The following CSMD1 variants were observed in gnomAD, a reference collection of about 807,000 sequenced individuals.
CSMD1 encodes CUB and sushi domain-containing protein 1.
In CSMD1, 213 loss-of-function variants were observed where a neutral mutation model predicts 417.5. The observed-to-expected ratio is 0.51, with a 90% CI of 0.46 to 0.57. The LOEUF (loss-of-function observed/expected upper bound fraction) is 0.57, where lower values mean the gene tolerates loss of function less well. Among genes scored for constraint, CSMD1 ranks in the 20% least tolerant of loss-of-function variants. The pLI is 0.00. For missense variants in CSMD1, 6,923 were observed against 4,529.7 expected (o/e 1.53, Z -15.17); for synonymous variants, 2,862 against 1,736.8 (o/e 1.65, Z -16.11).
chr8:4,080,110 C>G (rs751303504), intron 3 of CSMD1, among the ~76,000 whole-genome samples: 1 of 151,642 alleles, frequency 6.6e-6, no homozygotes, highest in Non-Finnish European at 1.5e-5. Flanking sequence ...CTCACTCGTT[C>G]CATGTATACA....
intron 2 of CSMD1, among the ~76,000 whole-genome samples, chr8:4,451,106 A>C (rs1799117216): frequency 6.6e-6 from 1 of 152,126 alleles, no homozygotes; most frequent in African/African-American, 2.4e-5. Context: ...CAGGAGGATT[A>C]CTCCTGAGTT....
intron 54 of CSMD1, among the ~76,000 whole-genome samples, chr8:2,982,660 G>A (rs1046070038): frequency 6.6e-6 from 1 of 152,170 alleles, no homozygotes; most frequent in African/African-American, 2.4e-5. Context: ...CCACCTCCAG[G>A]AGCTGCCCTG....
chr8:4,159,897 C>T (rs1379612859), intron 3 of CSMD1, among the ~76,000 whole-genome samples: 1 of 151,374 alleles, frequency 6.6e-6, no homozygotes, highest in East Asian at 2.0e-4. Flanking sequence ...TATGAGGATG[C>T]AAAGGCTTAA....
intron 7 of CSMD1, among the ~76,000 whole-genome samples, chr8:3,700,898 T>C (rs1800823697): frequency 6.6e-6 from 1 of 152,102 alleles, no homozygotes; most frequent in African/African-American, 2.4e-5. Flanking sequence ...GTGGTTCTAC[T>C]GATATTTCAC....
chr8:3,657,221 T>C (rs1321433811), intron 7 of CSMD1, among the ~76,000 whole-genome samples: 1 of 152,166 alleles, frequency 6.6e-6, no homozygotes, highest in Non-Finnish European at 1.5e-5. Flanking sequence ...CATTATGCCT[T>C]GGGGTATAAT....
intron 2 of CSMD1, among the ~76,000 whole-genome samples, chr8:4,451,752 A>T (rs1480151556): frequency 2.0e-5 from 3 of 152,054 alleles, no homozygotes; most frequent in Non-Finnish European, 4.4e-5. Context: ...GCATCGAATG[A>T]TACAGATAGA....
chr8:3,989,166 T>C (rs1045591705), intron 5 of CSMD1, among the ~76,000 whole-genome samples: 1 of 152,354 alleles, frequency 6.6e-6, no homozygotes, highest in Admixed American at 6.5e-5. Context: ...TCCAAGCGTC[T>C]GCTCATTTGC....
intron 7 of CSMD1, among the ~76,000 whole-genome samples, chr8:3,684,029 G>C (rs376056828): frequency 1.3e-5 from 2 of 150,440 alleles, no homozygotes; most frequent in South Asian, 2.1e-4. Flanking sequence ...TAACACCAAA[G>C]AGACAGTCTT....
chr8:4,429,430 A>G (rs1797745675), intron 2 of CSMD1, among the ~76,000 whole-genome samples: 1 of 152,090 alleles, frequency 6.6e-6, no homozygotes, highest in South Asian at 2.1e-4. Context: ...CTTTCACACA[A>G]TGTTTTGTGA....
intron 7 of CSMD1, among the ~76,000 whole-genome samples, chr8:3,669,574 G>A (rs1241902912): frequency 6.6e-6 from 1 of 152,190 alleles, no homozygotes; most frequent in Non-Finnish European, 1.5e-5. Context: ...AATGTAGCCT[G>A]AATGAGACTC....
At chr8:3,234,758 A>G (rs1421212939) in intron 26 of CSMD1, among the ~76,000 whole-genome samples, 10 of 152,210 alleles carry the variant, frequency 6.6e-5, no homozygotes, top group African/African-American at 2.4e-4. Context: ...TCTAACGTAG[A>G]ACACTAATCA....
chr8:4,893,908 C>T (rs1034388876), intron 1 of CSMD1, among the ~76,000 whole-genome samples: 1 of 152,068 alleles, frequency 6.6e-6, no homozygotes, highest in East Asian at 1.9e-4. Context: ...GGGGGCGGGG[C>T]AATGTCTTTT....
chr8:3,342,217 C>T (rs1028254160), intron 23 of CSMD1, among the ~76,000 whole-genome samples: 1 of 152,120 alleles, frequency 6.6e-6, no homozygotes, highest in African/African-American at 2.4e-5. Flanking sequence ...AATTCTTCAC[C>T]TGTGATTTTT....
intron 3 of CSMD1, among the ~76,000 whole-genome samples, chr8:4,063,783 G>T (rs1000754212): frequency 5.9e-5 from 9 of 152,096 alleles, no homozygotes; most frequent in African/African-American, 2.2e-4. Flanking sequence ...TCTTCATTCA[G>T]TTCCACTTAA....
intron 1 of CSMD1, among the ~76,000 whole-genome samples, chr8:4,915,716 T>C (rs1340595089): frequency 1.3e-5 from 2 of 152,166 alleles, no homozygotes; most frequent in East Asian, 3.9e-4. Flanking sequence ...CCCTAAACAT[T>C]ATGTCCGGGT....
chr8:4,556,869 A>T (rs1018091925), intron 2 of CSMD1, among the ~76,000 whole-genome samples: 1 of 152,204 alleles, frequency 6.6e-6, no homozygotes, highest in Non-Finnish European at 1.5e-5. Flanking sequence ...CGTATAATGC[A>T]ATGATTCCAA....
intron 3 of CSMD1, among the ~76,000 whole-genome samples, chr8:4,353,982 T>A (rs1801251506): frequency 6.6e-6 from 1 of 152,212 alleles, no homozygotes; most frequent in African/African-American, 2.4e-5. Context: ...TGTTTCACTT[T>A]TTCCTAACAC....
intron 8 of CSMD1, among the ~76,000 whole-genome samples, chr8:3,590,258 T>A (rs950779748): frequency 6.6e-6 from 1 of 152,106 alleles, no homozygotes; most frequent in Non-Finnish European, 1.5e-5. Context: ...ACAATACAAA[T>A]TTTTGTTTAT....
chr8:3,010,360 C>A (rs1202602674), intron 52 of CSMD1, among the ~76,000 whole-genome samples: 1 of 152,180 alleles, frequency 6.6e-6, no homozygotes, highest in African/African-American at 2.4e-5. Context: ...CAGCACCATG[C>A]CTTGTGCATG....
Sources: gnomAD v4.1 joint callset for allele counts (sites outside exome capture counted in the v4.1 genomes callset) on GRCh38, gnomAD v4.1.1 for gene constraint, MANE v1.5 for transcripts, NCBI Gene and HGNC (gene_info 2026-07-23, HGNC 2026-07-21) for gene names.